Variants in SLIT3 observed in about 807,000 individuals in gnomAD.
SLIT3 encodes slit guidance ligand 3, also known as slit homolog 3 protein.
SLIT3 carries 68 observed loss-of-function variants against 184.0 expected under a neutral mutation model. That is an observed-to-expected ratio of 0.37 (90% CI 0.30 to 0.45). The LOEUF is 0.45. Ranked by LOEUF, SLIT3 falls within the 20% of genes least tolerant of loss-of-function variation. The pLI is 1.00. For missense variants in SLIT3, 1,707 were observed against 2,026.0 expected (o/e 0.84, Z 3.02); for synonymous variants, 831 against 828.6 (o/e 1.00, Z -0.05).
At chr5:168,869,955 G>A (rs983147795) in intron 5 of SLIT3, among the ~76,000 whole-genome samples, 2 of 152,220 alleles carry the variant, frequency 1.3e-5, no homozygotes, top group African/African-American at 2.4e-5. Context: ...TGGACACATC[G>A]TAACACATCC....
At chr5:168,899,301 A>G (rs1364679403) in intron 4 of SLIT3, among the ~76,000 whole-genome samples, 3 of 152,184 alleles carry the variant, frequency 2.0e-5, no homozygotes, top group Non-Finnish European at 4.4e-5. Context: ...GGATCACTTG[A>G]GGTCAGAAGT....
At chr5:169,187,188 A>G (rs903590771) in intron 4 of SLIT3, among the ~76,000 whole-genome samples, 1 of 126,328 alleles carries the variant, frequency 7.9e-6, no homozygotes, top group Non-Finnish European at 1.5e-5. Context: ...ATCTCAGCTT[A>G]CTTCAACCTC....
chr5:169,003,886 C>T (rs1179769855), intron 4 of SLIT3, among the ~76,000 whole-genome samples: 7 of 152,094 alleles, frequency 4.6e-5, no homozygotes, highest in Admixed American at 4.6e-4. Context: ...AGCGTTCTCG[C>T]TGGAAGTGGG....
At chr5:169,130,344 G>T in intron 4 of SLIT3, among the ~76,000 whole-genome samples, 1 of 152,222 alleles carries the variant, frequency 6.6e-6, no homozygotes, top group East Asian at 1.9e-4. Flanking sequence ...AATGGTGTTT[G>T]TTATTAGGCT....
In SLIT3 at chr5:168,752,967, G is replaced by A. The variant is rs1754767210; in HGVS notation, c.1961C>T (p.Ser654Phe). The part of the protein sequence containing the change: ...ITPGAFTTLV[S>F]LSTINLLSNP... Reference sequence around the variant, plus strand: ...CAGGAGAACTTACATGGTGGACAGGGAGACAAGCGTGGTGAAGGCCCCAGG... The same window carrying A: ...CAGGAGAACTTACATGGTGGACAGGAAGACAAGCGTGGTGAAGGCCCCAGG... The change falls in exon 18 of 36, where the codon TCC becomes TTC. Residue 654 changes from serine (S) to phenylalanine (F), a missense_variant. By Grantham distance (155) the Ser-to-Phe change is radical. Around this residue, in one of 3 missense-constraint regions of SLIT3, gnomAD observed 1,307 missense variants for 1,511.6 expected, o/e 0.86. Transcript: ENST00000519560. 1 of 1,614,088 alleles carries A rather than the reference G, an allele frequency of 6.2e-7. No homozygotes were observed. The highest frequency in any genetic ancestry group is 1.1e-5 in the South Asian group (1 of 91,060).
intron 4 of SLIT3, 72 bp downstream of exon 4, chr5:169,193,407 A>G: frequency 7.4e-7 from 1 of 1,346,170 alleles, no homozygotes; most frequent in Non-Finnish European, 1.1e-6. Context: ...ACGGCGCTCC[A>G]CAAACCACAT....
chr5:169,268,708 G>A (rs1472002861), intron 1 of SLIT3, among the ~76,000 whole-genome samples: 1 of 152,172 alleles, frequency 6.6e-6, no homozygotes, highest in Non-Finnish European at 1.5e-5. Context: ...TCTGCAAAAT[G>A]GGTTAGCAGC....
intron 15 of SLIT3, among the ~76,000 whole-genome samples, 175 bp downstream of exon 15, chr5:168,762,364 G>A (rs756397026): frequency 1.3e-4 from 20 of 152,288 alleles, no homozygotes; most frequent in Non-Finnish European, 2.8e-4. Flanking sequence ...TTGCAAGCAA[G>A]CTGTCCACAG....
chr5:169,142,055 A>T (rs1761761839), intron 4 of SLIT3, among the ~76,000 whole-genome samples: 1 of 119,512 alleles, frequency 8.4e-6, no homozygotes, highest in Non-Finnish European at 1.8e-5. Flanking sequence ...TACTCAAAAA[A>T]AAAATAAAAA....
At chr5:169,290,568 AGGGTGCG>A in intron 1 of SLIT3, among the ~76,000 whole-genome samples, 1 of 149,792 alleles carries the variant, frequency 6.7e-6, no homozygotes, top group Non-Finnish European at 1.5e-5. Context: ...GGCACACACT[AGGGTGCG>A]CACTAGGGCA....
intron 12 of SLIT3, among the ~76,000 whole-genome samples, chr5:168,778,637 G>T (rs1755850793): frequency 1.3e-5 from 2 of 152,238 alleles, no homozygotes; most frequent in African/African-American, 4.8e-5. Context: ...TCCCCCTTCA[G>T]GATCACTGAC....
intron 4 of SLIT3, among the ~76,000 whole-genome samples, chr5:168,932,500 G>T (rs1472677740): frequency 1.3e-5 from 2 of 151,828 alleles, no homozygotes; most frequent in Admixed American, 6.6e-5. Context: ...TGCTTTCTTG[G>T]TTTGTAAAAT....
chr5:168,916,850 A>G (rs1474100545), intron 4 of SLIT3, among the ~76,000 whole-genome samples: 2 of 151,994 alleles, frequency 1.3e-5, no homozygotes, highest in Non-Finnish European at 2.9e-5. Context: ...TTCCAGCTCC[A>G]CTGGGGAAGC....
At chr5:168,758,732 C>T (rs1310892300) in intron 16 of SLIT3, among the ~76,000 whole-genome samples, 1 of 152,164 alleles carries the variant, frequency 6.6e-6, no homozygotes, top group East Asian at 1.9e-4. Context: ...CAGTGAGATC[C>T]AGATGCTGCC....
At chr5:168,759,804 GA>G (rs1400817486) in intron 16 of SLIT3, among the ~76,000 whole-genome samples, 1 of 152,174 alleles carries the variant, frequency 6.6e-6, no homozygotes, top group East Asian at 1.9e-4. Context: ...TGGAATCCAT[GA>G]ATCATGAGGA....
chr5:169,141,699 A>G (rs1761746308), intron 4 of SLIT3, among the ~76,000 whole-genome samples: 1 of 150,150 alleles, frequency 6.7e-6, no homozygotes, highest in Admixed American at 6.7e-5. Flanking sequence ...AGATCGCGCC[A>G]TTGCACTCCA....
chr5:168,930,862 C>A (rs570547598), intron 4 of SLIT3, among the ~76,000 whole-genome samples: 1 of 152,180 alleles, frequency 6.6e-6, no homozygotes, highest in African/African-American at 2.4e-5. Flanking sequence ...CTTGGTGCCA[C>A]ATGCCATGAG....
intron 18 of SLIT3, 106 bp from the exon 19 acceptor site, chr5:168,749,741 A>T: frequency 8.1e-7 from 1 of 1,236,210 alleles, no homozygotes; most frequent in Non-Finnish European, 1.2e-6. Flanking sequence ...AGGAGGTCTC[A>T]GGAAGGAAAC....
intron 4 of SLIT3, among the ~76,000 whole-genome samples, chr5:169,079,972 T>C (rs1758956253): frequency 6.8e-6 from 1 of 146,348 alleles, no homozygotes; most frequent in African/African-American, 2.5e-5. Flanking sequence ...GAGGAGGAGA[T>C]TATGCACGAC....
Sources: gnomAD v4.1 joint callset for allele counts (sites outside exome capture counted in the v4.1 genomes callset) on GRCh38, gnomAD v4.1.1 for gene constraint, gnomAD v4.1.1 regional missense constraint, MANE v1.5 for transcripts, NCBI Gene and HGNC (gene_info 2026-07-23, HGNC 2026-07-21) for gene names.